The following AGBL4 variants were observed in gnomAD, a reference collection of about 807,000 sequenced individuals.
AGBL4 encodes AGBL carboxypeptidase 4.
AGBL4 carries 58 observed loss-of-function variants against 66.4 expected under a neutral mutation model. The observed-to-expected ratio is 0.87, with a 90% confidence interval of 0.71 to 1.09. The LOEUF is 1.09. AGBL4 is among the 50% of genes least tolerant of loss of function. The pLI is 0.00. For synonymous variants in AGBL4, 234 were observed against 222.9 expected (o/e 1.05, Z -0.44); for missense variants, 579 against 631.0 (o/e 0.92, Z 0.88).
intron 3 of AGBL4, among the ~76,000 whole-genome samples, chr1:49,332,129 C>A (rs1327009538): frequency 6.6e-6 from 1 of 152,138 alleles, no homozygotes; most frequent in Non-Finnish European, 1.5e-5. Context: ...GACCTCTGAC[C>A]ACATTTGAAT....
intron 1 of AGBL4, among the ~76,000 whole-genome samples, chr1:49,977,579 G>A (rs879715938): frequency 6.6e-6 from 1 of 152,176 alleles, no homozygotes. Flanking sequence ...CCATCTGAAG[G>A]AGAATATTTT....
intron 3 of AGBL4, among the ~76,000 whole-genome samples, chr1:49,661,389 C>T (rs1041046757): frequency 6.6e-6 from 1 of 152,076 alleles, no homozygotes; most frequent in Non-Finnish European, 1.5e-5. Context: ...GAACAGCTCC[C>T]TCATGAATGG....
intron 1 of AGBL4, among the ~76,000 whole-genome samples, chr1:49,858,983 G>A (rs1646500037): frequency 8.0e-6 from 1 of 125,002 alleles, no homozygotes; most frequent in Admixed American, 8.2e-5. Context: ...ACTCCAGCCT[G>A]GGCTACAGAG....
intron 4 of AGBL4, among the ~76,000 whole-genome samples, chr1:49,165,785 G>T (rs769519785): frequency 2.1e-4 from 32 of 150,302 alleles, no homozygotes; most frequent in Non-Finnish European, 3.9e-4. Context: ...GGAGGGAAGG[G>T]GATGGAGGAA....
At chr1:49,221,896 T>C (rs1409799877) in intron 4 of AGBL4, among the ~76,000 whole-genome samples, 4 of 152,036 alleles carry the variant, frequency 2.6e-5, no homozygotes, top group South Asian at 4.1e-4. Context: ...CCAGAGCAAG[T>C]GAGTGGAAGA....
At chr1:49,986,437 G>A (rs571379795) in intron 1 of AGBL4, among the ~76,000 whole-genome samples, 4 of 152,072 alleles carry the variant, frequency 2.6e-5, no homozygotes, top group East Asian at 1.9e-4. Flanking sequence ...GGGTTACTCC[G>A]ACTTCCACCT....
chr1:48,957,965 T>G (rs1466460393), intron 5 of AGBL4, among the ~76,000 whole-genome samples: 1 of 152,220 alleles, frequency 6.6e-6, no homozygotes, highest in African/African-American at 2.4e-5. Flanking sequence ...GTCCACAGTC[T>G]GACCCCTAAT....
rs1477647869 is a variant in AGBL4 at position 49,199,706 on chromosome 1, T to C, written c.377+46064A>G. Among the ~76,000 whole-genome samples the C allele has an allele frequency of 2.6e-5, 4 of 152,328 alleles. No individual in the cohort carries two copies. The East Asian group carries it at 5.8e-4, about 22-fold the overall frequency. On this transcript the variant is annotated intron_variant, in intron 4 of 13. Coordinates refer to ENST00000371839, the MANE Select transcript of AGBL4 (RefSeq NM_032785.4). ...TTAGAATTTTTAACATTCTCCTCCC[T>C]GAACCTTCTCTCCAGACTAATTAGT... is the stretch of plus-strand genomic sequence containing the variant.
At chr1:49,083,312 T>C (rs1392607563) in intron 4 of AGBL4, among the ~76,000 whole-genome samples, 2 of 152,204 alleles carry the variant, frequency 1.3e-5, no homozygotes, top group Non-Finnish European at 2.9e-5. Flanking sequence ...GCAGAGGGTC[T>C]CCATGAGGGT....
chr1:49,391,299 C>T (rs1464101149), intron 3 of AGBL4, among the ~76,000 whole-genome samples: 2 of 152,120 alleles, frequency 1.3e-5, no homozygotes, highest in African/African-American at 4.8e-5. Context: ...GGTTTAAAGT[C>T]TTACATGGTT....
At chr1:49,897,563 T>A (rs554149419) in intron 1 of AGBL4, among the ~76,000 whole-genome samples, 1 of 152,142 alleles carries the variant, frequency 6.6e-6, no homozygotes, top group African/African-American at 2.4e-5. Flanking sequence ...GCAATCCCTG[T>A]CAAAATATAA....
intron 3 of AGBL4, among the ~76,000 whole-genome samples, chr1:49,387,384 T>G (rs1644756903): frequency 6.6e-6 from 1 of 151,942 alleles, no homozygotes; most frequent in Non-Finnish European, 1.5e-5. Context: ...CACTTTTAAT[T>G]AAGCAGCTCA....
intron 5 of AGBL4, among the ~76,000 whole-genome samples, chr1:49,013,784 T>C (rs761710648): frequency 6.6e-6 from 1 of 152,190 alleles, no homozygotes; most frequent in Non-Finnish European, 1.5e-5. Flanking sequence ...TTTCCAGCTA[T>C]GAGGCCCTAG....
intron 4 of AGBL4, among the ~76,000 whole-genome samples, chr1:49,062,995 A>C (rs1159576537): frequency 6.6e-6 from 1 of 152,212 alleles, no homozygotes; most frequent in East Asian, 1.9e-4. Flanking sequence ...CCTACTTTTT[A>C]GGGTTATTAT....
chr1:49,215,402 G>A (rs1420153001), intron 4 of AGBL4, among the ~76,000 whole-genome samples: 1 of 152,066 alleles, frequency 6.6e-6, no homozygotes, highest in Non-Finnish European at 1.5e-5. Context: ...ACTCCTCAAA[G>A]ATGAACTGAA....
chr1:49,637,608 C>T (rs1272049527), intron 3 of AGBL4, among the ~76,000 whole-genome samples: 4 of 151,930 alleles, frequency 2.6e-5, no homozygotes, highest in South Asian at 2.1e-4. Flanking sequence ...CAGCCAGCTA[C>T]GTACTTCTGA....
chr1:48,931,087 T>G (rs1317505490), intron 5 of AGBL4, among the ~76,000 whole-genome samples: 1 of 152,192 alleles, frequency 6.6e-6, no homozygotes, highest in African/African-American at 2.4e-5. Flanking sequence ...TTAAGTGCCA[T>G]CTCAATGATT....
chr1:49,599,497 T>TTC (rs933338283), intron 3 of AGBL4, among the ~76,000 whole-genome samples: 1 of 151,936 alleles, frequency 6.6e-6, no homozygotes, highest in Non-Finnish European at 1.5e-5. Context: ...TTATTGATTC[T>TTC]TCTCTCTTTT....
intron 6 of AGBL4, among the ~76,000 whole-genome samples, chr1:48,763,530 C>T (rs1269796349): frequency 1.3e-5 from 2 of 151,726 alleles, no homozygotes; most frequent in African/African-American, 4.8e-5. Flanking sequence ...GAGAGAGAGA[C>T]GATGAGGGTG....
Sources: gnomAD v4.1 joint callset for allele counts (sites outside exome capture counted in the v4.1 genomes callset) on GRCh38, gnomAD v4.1.1 for gene constraint, MANE v1.5 for transcripts, NCBI Gene and HGNC (gene_info 2026-07-23, HGNC 2026-07-21) for gene names.